Variants in GRTP1 observed in about 807,000 individuals in gnomAD.
The protein encoded by GRTP1 is growth hormone-regulated TBC protein 1.
In GRTP1, 56 loss-of-function variants were observed where a neutral mutation model predicts 38.1. That is an observed-to-expected ratio of 1.47 (90% confidence interval 1.19 to 1.84). The LOEUF (loss-of-function observed/expected upper bound fraction) is 1.84. GRTP1 is among the 40% of genes most tolerant of loss of function. GRTP1 has a pLI of 0.00. For synonymous variants in GRTP1, 217 were observed against 189.5 expected, an observed-to-expected ratio of 1.14 and a Z score of -1.19; for missense variants, 506 against 453.9, an observed-to-expected ratio of 1.11 and a Z score of -1.04.
chr13:113,327,133 T>C (rs1246249034), intron 5 of GRTP1, among the ~76,000 whole-genome samples: 1 of 152,244 alleles, frequency 6.6e-6, no homozygotes, highest in East Asian at 1.9e-4. Flanking sequence ...CAAAGCACTT[T>C]TGTGTTTACC....
At chr13:113,327,831 G>T (rs983212389) in intron 5 of GRTP1, among the ~76,000 whole-genome samples, 1 of 152,198 alleles carries the variant, frequency 6.6e-6, no homozygotes, top group Non-Finnish European at 1.5e-5. Context: ...CCCACAGGTG[G>T]TGTGGCAGGG....
At position 113,348,940 on chromosome 13, in the gene GRTP1, A is replaced by T. The variant is rs1487877743; in HGVS notation, c.465+1909T>A. On this transcript the variant is annotated intron_variant, in intron 4 of 7. Coordinates refer to ENST00000375431, the MANE Select transcript of GRTP1 (RefSeq NM_024719.4). The surrounding 1 kb of genome is among the most constrained non-coding windows in gnomAD (Gnocchi z 4.8). Reference sequence around the variant, plus strand: ...CCTTAGGGGCCCACAGCAAGCTAACAGGTGCACATCTCCGCACACACATGT... The same window carrying T: ...CCTTAGGGGCCCACAGCAAGCTAACTGGTGCACATCTCCGCACACACATGT... 6.6e-6 allele frequency among the ~76,000 whole-genome samples: 1 copy of T among 152,210 alleles called. No individual in the cohort carries two copies. The highest frequency in any genetic ancestry group is 1.5e-5 in the Non-Finnish European group (1 of 68,040).
rs1279033024 is a variant in GRTP1, at chr13:113,349,270, G to C, written c.465+1579C>G. ...GTGGTGCCAACATGGCTCACTGCAGGCTTGACCTCCCAGACCCAAACGACC... is the reference window on the plus strand; with the variant it reads ...GTGGTGCCAACATGGCTCACTGCAGCCTTGACCTCCCAGACCCAAACGACC... On this transcript the variant is annotated intron_variant, in intron 4 of 7. Transcript: ENST00000375431. The surrounding 1 kb of genome is among the most constrained non-coding windows in gnomAD (Gnocchi z 5.0). 1.3e-5 allele frequency among the ~76,000 whole-genome samples: 2 copies of C among 151,890 alleles called. No homozygotes were observed. Among genetic ancestry groups the C allele is most frequent in the East Asian group, 3.9e-4 (2 of 5,138 alleles).
At chr13:113,357,280 A>C (rs1010686675) in intron 2 of GRTP1, among the ~76,000 whole-genome samples, 2 of 152,024 alleles carry the variant, frequency 1.3e-5, no homozygotes, top group Non-Finnish European at 2.9e-5. Context: ...CCTCATCTCT[A>C]CTCAAAATAC....
Position 113,364,077 on chromosome 13 carries a change from G to T in GRTP1, c.-26C>A. ...GCGGGGAGGGAGGCGCGCACCGAGCGAGGCCAGCGGGTCCCAAGTTCGCCT... is the reference window on the plus strand; with the variant it reads ...GCGGGGAGGGAGGCGCGCACCGAGCTAGGCCAGCGGGTCCCAAGTTCGCCT... On this transcript the variant is annotated 5_prime_UTR_variant, in exon 1 of 8. Coordinates refer to ENST00000375431, the MANE Select transcript of GRTP1 (RefSeq NM_024719.4). 2.4e-6 allele frequency: 3 copies of T among 1,245,352 alleles called. No homozygotes were observed. The highest frequency in any genetic ancestry group is 3.0e-6 in the Non-Finnish European group (3 of 999,598). 77.1% of individuals were successfully genotyped at this position (1,245,352 alleles called of 1,614,324 possible).
In GRTP1 at chr13:113,326,021, C is replaced by T. The variant is rs2042761667; in HGVS notation, c.633G>A (p.Lys211=). 2 of 1,613,306 alleles carry T rather than the reference C, an allele frequency of 1.2e-6. No individual in the cohort carries two copies. The highest frequency in any genetic ancestry group is 1.7e-6 in the Non-Finnish European group (2 of 1,179,906). Residue 211 remains lysine, a synonymous_variant, in exon 6 of 8, where the codon AAG becomes AAA. Transcript: ENST00000375431. ...CCATCAGGGCCCCCACAGCCGGCAG[C>T]TTCGCCCGCACCAGCTCCCCGAGGA... is the stretch of plus-strand genomic sequence containing the variant. ...QEVLGELVRA[K]LPAVGALMER...
At chr13:113,362,759 C>T (rs1204158819) in intron 2 of GRTP1, among the ~76,000 whole-genome samples, 1 of 152,146 alleles carries the variant, frequency 6.6e-6, no homozygotes, top group African/African-American at 2.4e-5. Context: ...CTGGTTTCAT[C>T]TCTGTCCTTC....
Position 113,343,141 on chromosome 13 carries a change from G to A in GRTP1, c.562+1722C>T, listed in dbSNP as rs1321915734. On this transcript the variant is annotated intron_variant, in intron 5 of 7. Coordinates refer to ENST00000375431, the MANE Select transcript of GRTP1 (RefSeq NM_024719.4). The surrounding 1 kb of genome is among the most constrained non-coding windows in gnomAD (Gnocchi z 4.8). ...GCATGGCCCACGGCTGTGAAGATTC[G>A]CCATGATTTGCACTCAGACATAACC... Among the ~76,000 whole-genome samples the A allele has an allele frequency of 7.2e-5, 11 of 152,236 alleles. No homozygotes were observed. The South Asian group carries it at 1.0e-3, about 14-fold the overall frequency.
intron 2 of GRTP1, chr13:113,355,705 C>G: frequency 2.4e-6 from 1 of 412,554 alleles, no homozygotes; most frequent in Non-Finnish European, 4.2e-6. Context: ...TACAGAACCG[C>G]CCCCACGCCC....
At chr13:113,326,865 A>C (rs1344452257) in intron 5 of GRTP1, among the ~76,000 whole-genome samples, 1 of 152,184 alleles carries the variant, frequency 6.6e-6, no homozygotes, top group Non-Finnish European at 1.5e-5. Context: ...GAAAGGGAGG[A>C]AGTCAGGCCA....
chr13:113,362,952 C>T (rs776191596), intron 2 of GRTP1, among the ~76,000 whole-genome samples: 6 of 152,226 alleles, frequency 3.9e-5, no homozygotes, highest in Non-Finnish European at 8.8e-5. Context: ...ACAGGGAAGT[C>T]GCCTGGCACT....
chr13:113,356,939 C>G (rs1045369364), intron 2 of GRTP1, among the ~76,000 whole-genome samples: 1 of 152,100 alleles, frequency 6.6e-6, no homozygotes, highest in Non-Finnish European at 1.5e-5. Context: ...AAATACGTGA[C>G]GAATTATACA....
At chr13:113,325,283 G>T in intron 7 of GRTP1, 1 of 1,280,396 alleles carries the variant, frequency 7.8e-7, no homozygotes, top group Non-Finnish European at 9.9e-7. Context: ...TCCTCAGAAG[G>T]CCTGTCAGGT....
intron 5 of GRTP1, among the ~76,000 whole-genome samples, chr13:113,335,114 C>T (rs1481031380): frequency 6.6e-6 from 1 of 151,730 alleles, no homozygotes; most frequent in Non-Finnish European, 1.5e-5. Context: ...GAGCACCATG[C>T]CTGGCCAAGT....
intron 5 of GRTP1, 46 bp downstream of exon 5, chr13:113,344,817 C>T (rs1243031038): frequency 5.8e-6 from 9 of 1,544,804 alleles, no homozygotes; most frequent in Non-Finnish European, 6.9e-6. Context: ...TTTGGCAGCA[C>T]CAGAAACAGG....
intron 5 of GRTP1, among the ~76,000 whole-genome samples, chr13:113,333,834 ATTTAGTGTGTGTGT>A (rs1397651034): frequency 1.1e-5 from 1 of 92,038 alleles, no homozygotes; most frequent in Non-Finnish European, 2.1e-5. Flanking sequence ...TTATTTATTT[ATTTAGTGTGTGTGT>A]GTGTGTGTGT....
chr13:113,359,225 G>T (rs894686458), intron 2 of GRTP1, among the ~76,000 whole-genome samples: 1 of 152,204 alleles, frequency 6.6e-6, no homozygotes, highest in Non-Finnish European at 1.5e-5. Context: ...TGTGAGCAGT[G>T]GGCTGACTTC....
intron 7 of GRTP1, 97 bp from the exon 8 acceptor site, chr13:113,324,674 G>A: frequency 1.3e-6 from 2 of 1,504,624 alleles, no homozygotes; most frequent in Non-Finnish European, 1.8e-6. Context: ...CTCGTGTGAG[G>A]TGAGGGAGGA....
intron 2 of GRTP1, among the ~76,000 whole-genome samples, chr13:113,356,572 A>G (rs1054039997): frequency 2.6e-5 from 4 of 152,190 alleles, no homozygotes; most frequent in Non-Finnish European, 5.9e-5. Context: ...GGCCCTGCAC[A>G]TATTTGAAAA....
Sources: allele counts gnomAD v4.1 joint callset (sites outside exome capture counted in the v4.1 genomes callset), GRCh38; gene constraint gnomAD v4.1.1; non-coding constraint Gnocchi (gnomAD v3.1); transcripts MANE v1.5; gene names NCBI Gene and HGNC (gene_info 2026-07-23, HGNC 2026-07-21).